Variants in PRDM2 observed in about 807,000 individuals in gnomAD.
PRDM2 encodes PR domain zinc finger protein 2.
Under a neutral mutation model 130.0 loss-of-function variants are expected in PRDM2, and 30 were observed. That is an observed-to-expected ratio of 0.23 (90% confidence interval 0.17 to 0.31). The LOEUF (loss-of-function observed/expected upper bound fraction) is 0.31, where lower values mean the gene tolerates loss of function less well. Among genes scored for constraint, PRDM2 ranks in the 10% least tolerant of loss-of-function variants. PRDM2 has a pLI of 1.00. For missense variants in PRDM2, 2,011 were observed against 2,108.4 expected (o/e 0.95, Z 0.90); for synonymous variants, 871 against 782.4 (o/e 1.11, Z -1.89).
At chr1:13,739,138 C>G (rs191592555) in intron 4 of PRDM2, among the ~76,000 whole-genome samples, 1 of 151,956 alleles carries the variant, frequency 6.6e-6, no homozygotes, top group Admixed American at 6.6e-5. Context: ...GCTCTGCCTC[C>G]CGTGTTCACG....
chr1:13,752,316 T>C (rs1643866300), intron 6 of PRDM2, among the ~76,000 whole-genome samples: 2 of 152,238 alleles, frequency 1.3e-5, no homozygotes, highest in Admixed American at 6.5e-5. Flanking sequence ...AAACTGGACT[T>C]TAATTTGGAT....
intron 8 of PRDM2, among the ~76,000 whole-genome samples, chr1:13,808,841 A>G (rs1034598479): frequency 2.0e-5 from 3 of 152,202 alleles, no homozygotes; most frequent in Non-Finnish European, 4.4e-5. Flanking sequence ...GATGCATGAG[A>G]AACTGCCCGT....
At position 13,780,771 on chromosome 1, in the gene PRDM2, C is replaced by T. The variant is rs192099371; in HGVS notation, c.2976C>T (p.Thr992=). The stretch of plus-strand genomic sequence containing the variant: ...CTCCGCCCCCTCCCCTCCTTCCTAC[C>T]GTACCTCTTCCAGCCCCCTCTTCCA... ...VATPPPPLLP[T]VPLPAPSSSA... is the part of the protein sequence containing the mutation. Residue 992 remains threonine (T), a synonymous_variant, in exon 8 of 10, where the codon ACC becomes ACT. Coordinates refer to ENST00000311066, the MANE Select transcript of PRDM2 (RefSeq NM_001393986.1). 80 of 1,576,242 alleles carry T rather than the reference C, an allele frequency of 5.1e-5. No homozygotes were observed. In the East Asian group the frequency reaches 1.5e-3, roughly 29 times the overall value.
At position 13,780,421 on chromosome 1, in the gene PRDM2, A is replaced by G. The variant is rs1238197241; in HGVS notation, c.2626A>G (p.Ser876Gly). ...AAGTCATTCAGTGCAGCCTACGTGTAGTGCTGTAAAGAAAAGGAAACCAAC... is the reference window on the plus strand; with the variant it reads ...AAGTCATTCAGTGCAGCCTACGTGTGGTGCTGTAAAGAAAAGGAAACCAAC... ...KESHSVQPTC[S>G]AVKKRKPTTC... The change falls in exon 8 of 10, where the codon AGT (serine) becomes GGT (glycine). Residue 876 changes from serine (S) to glycine (G), a missense_variant. By Grantham distance (56) the Ser-to-Gly change is moderately conservative. This residue lies in a region of PRDM2 where 1,288 missense variants were observed against 1,237.7 expected (regional missense o/e 1.04). Transcript: ENST00000311066. 1.2e-6 allele frequency: 2 copies of G among 1,614,216 alleles called. No individual in the cohort carries two copies. The highest frequency in any genetic ancestry group is 2.7e-5 in the African/African-American group (2 of 75,050).
At chr1:13,727,776 C>T (rs1051978152) in intron 2 of PRDM2, among the ~76,000 whole-genome samples, 1 of 152,134 alleles carries the variant, frequency 6.6e-6, no homozygotes, top group African/African-American at 2.4e-5. Flanking sequence ...GTAGATGGTG[C>T]AACTTATTTT....
intron 6 of PRDM2, among the ~76,000 whole-genome samples, chr1:13,751,878 G>T (rs908176995): frequency 6.6e-6 from 1 of 152,124 alleles, no homozygotes; most frequent in Admixed American, 6.5e-5. Flanking sequence ...ATCATAAGGC[G>T]TGTTTGGGTA....
At chr1:13,775,754 T>C (rs1276347573) in intron 7 of PRDM2, among the ~76,000 whole-genome samples, 1 of 152,150 alleles carries the variant, frequency 6.6e-6, no homozygotes, top group Non-Finnish European at 1.5e-5. Context: ...GGCTGCTCTT[T>C]TCTGCCTCCA....
In PRDM2 at chr1:13,778,453, G is replaced by T; in HGVS notation, c.658G>T (p.Ala220Ser). 1 of 1,613,540 alleles carries T rather than the reference G, an allele frequency of 6.2e-7. No individual in the cohort carries two copies. Among genetic ancestry groups the T allele is most frequent in the Non-Finnish European group, 8.5e-7 (1 of 1,179,788 alleles). The part of the protein sequence containing the change: ...KEDEEKPSAS[A>S]LEQPATLQEV... ...AGACGAAGAGAAGCCTTCAGCCTCA[G>T]CACTTGAGCAGCCGGCCACCCTCCA... Residue 220 changes from alanine to serine, a missense_variant, in exon 8 of 10, where the codon GCA becomes TCA. Physicochemically the swap from Ala to Ser is moderately conservative, Grantham distance 99. This residue lies in a region of PRDM2 where 1,288 missense variants were observed against 1,237.7 expected (regional missense o/e 1.04). Transcript: ENST00000311066.
chr1:13,810,587 G>C (rs1038454380), intron 8 of PRDM2, among the ~76,000 whole-genome samples: 2 of 151,568 alleles, frequency 1.3e-5, no homozygotes, highest in African/African-American at 4.8e-5. Context: ...CTCTGCCTCT[G>C]GGGTTCACAC....
rs139687926 is a variant in PRDM2 at position 13,806,985 on chromosome 1, A to G, written c.5037-9442A>G. Among the ~76,000 whole-genome samples, 4 of 152,090 alleles carry G rather than the reference A, an allele frequency of 2.6e-5. No individual in the cohort carries two copies. The highest frequency in any genetic ancestry group is 4.4e-5 in the Non-Finnish European group (3 of 67,982). On this transcript the variant is annotated intron_variant, in intron 8 of 9. Transcript: ENST00000311066. This position sits in a 1 kb window ranked among gnomAD's most constrained non-coding sequence, Gnocchi z 4.1. ...CGTAGCCCACACACTGCCGTTTCCC[A>G]TGTCACCTTTCCCTGTCTTCTCCTC...
intron 8 of PRDM2, among the ~76,000 whole-genome samples, chr1:13,813,246 C>G (rs190638492): frequency 6.6e-6 from 1 of 152,308 alleles, no homozygotes; most frequent in East Asian, 1.9e-4. Flanking sequence ...GGTCACACAG[C>G]TAGTGGGTGG....
chr1:13,780,420 T>C lies in PRDM2; in HGVS notation c.2625T>C (p.Cys875=), dbSNP rs1255601098. ...AAAGTCATTCAGTGCAGCCTACGTGTAGTGCTGTAAAGAAAAGGAAACCAA... is the reference window on the plus strand; with the variant it reads ...AAAGTCATTCAGTGCAGCCTACGTGCAGTGCTGTAAAGAAAAGGAAACCAA... The part of the protein sequence containing the change: ...FKESHSVQPT[C]SAVKKRKPTT... The change falls in exon 8 of 10, where the codon TGT becomes TGC. Residue 875 remains cysteine (C), a synonymous_variant. Transcript: ENST00000311066. The C allele has an allele frequency of 6.2e-7, 1 of 1,614,074 alleles. No homozygotes were observed. The highest frequency in any genetic ancestry group is 2.2e-5 in the East Asian group (1 of 44,896).
At position 13,786,799 on chromosome 1, in the gene PRDM2, G is replaced by A. The variant is rs373857397; in HGVS notation, c.5036+3968G>A. The A allele has an allele frequency of 2.7e-4, 342 of 1,278,734 alleles. 1 individual carries two copies. The African/African-American group carries it at 4.5e-3, about 17-fold the overall frequency. 79.2% of individuals were successfully genotyped at this position (1,278,734 alleles called of 1,614,324 possible). ...GACAGGCCAGATGAACTGGCTCCTC[G>A]TCATGGGACTGGTACCTCAGATCTG... On this transcript the variant is annotated intron_variant, in intron 8 of 9. Coordinates refer to ENST00000311066, the MANE Select transcript of PRDM2 (RefSeq NM_001393986.1).
intron 4 of PRDM2, among the ~76,000 whole-genome samples, chr1:13,740,916 G>T (rs549608208): frequency 6.6e-6 from 1 of 152,202 alleles, no homozygotes; most frequent in Non-Finnish European, 1.5e-5. Context: ...GAAAGTTGCA[G>T]TAAAGAAAGG....
intron 8 of PRDM2, 98 bp downstream of exon 8, chr1:13,782,929 T>TC (rs771048171): frequency 2.4e-4 from 354 of 1,454,370 alleles, no homozygotes; most frequent in Middle Eastern, 5.5e-4. Flanking sequence ...TTTTTTTTTT[T>TC]CCCCACTTAA....
rs567881711 is a variant in PRDM2, at chr1:13,748,538, T to C, written c.385-823T>C. ...TGTATTGATACCCTTGTAACTTTTT[T>C]AACAGATCATTTGTTGTGAGAGAAA... On this transcript the variant is annotated intron_variant, in intron 5 of 9. Coordinates refer to ENST00000311066, the MANE Select transcript of PRDM2 (RefSeq NM_001393986.1). Among the ~76,000 whole-genome samples, 7 of 152,336 alleles carry C rather than the reference T, an allele frequency of 4.6e-5. No homozygotes were observed. In the South Asian group the frequency reaches 1.4e-3, roughly 32 times the overall value.
At chr1:13,749,034 G>T (rs1209513) in intron 5 of PRDM2, among the ~76,000 whole-genome samples, 152,324 of 152,324 alleles carry the variant, frequency 1, 76,162 homozygotes, top group Non-Finnish European at 1. Flanking sequence ...AGCAAAATGG[G>T]CCCATGTTTT....
intron 6 of PRDM2, among the ~76,000 whole-genome samples, chr1:13,752,016 C>G (rs1040326931): frequency 6.6e-6 from 1 of 151,744 alleles, no homozygotes; most frequent in African/African-American, 2.4e-5. Context: ...TATTGAGCCC[C>G]TGCTGTGTAC....
intron 6 of PRDM2, among the ~76,000 whole-genome samples, chr1:13,752,333 A>G (rs1643866566): frequency 6.6e-6 from 1 of 152,212 alleles, no homozygotes; most frequent in Non-Finnish European, 1.5e-5. Flanking sequence ...GGATTCCCAG[A>G]TTTGTAATTG....
Sources: allele counts gnomAD v4.1 joint callset (sites outside exome capture counted in the v4.1 genomes callset), GRCh38; gene constraint gnomAD v4.1.1; regional missense constraint gnomAD v4.1.1; non-coding constraint Gnocchi (gnomAD v3.1); transcripts MANE v1.5; gene names NCBI Gene and HGNC (gene_info 2026-07-23, HGNC 2026-07-21).